Variants in ZNF469 observed in about 807,000 individuals in gnomAD.
ZNF469 encodes the protein zinc finger protein 469.
In ZNF469, 1 loss-of-function variant was observed where a neutral mutation model predicts 1.0. That is an observed-to-expected ratio of 1.00 (90% CI 0.35 to 4.73). The LOEUF (loss-of-function observed/expected upper bound fraction) is 4.73. ZNF469 is among the 30% of genes most tolerant of loss of function. The probability of loss-of-function intolerance (pLI) is 0.16; values close to 1 mark genes in which losing one functional copy is unlikely to be tolerated. For missense variants in ZNF469, 6,100 were observed against 5,356.3 expected, an observed-to-expected ratio of 1.14 and a Z score of -4.33; for synonymous variants, 2,703 against 2,363.4, an observed-to-expected ratio of 1.14 and a Z score of -4.17.
At chr16:88,168,908 C>A in the ZNF469 span, among the ~76,000 whole-genome samples, 1 of 151,110 alleles carries the variant, frequency 6.6e-6, no homozygotes, top group Non-Finnish European at 1.5e-5. The surrounding 1 kb of genome is among the most constrained non-coding windows in gnomAD (Gnocchi z 4.3). Flanking sequence ...CCAGCCTGGA[C>A]AACATAGTGA....
At chr16:88,414,948 C>T (rs992717381) in intron 1 of ZNF469, among the ~76,000 whole-genome samples, 37 of 152,316 alleles carry the variant, frequency 2.4e-4, no homozygotes, top group African/African-American at 6.5e-4. Context: ...GGCCACACAG[C>T]GAGTGGGAAC....
chr16:88,158,072 C>T, the ZNF469 span, among the ~76,000 whole-genome samples: 23 of 152,052 alleles, frequency 1.5e-4, no homozygotes, highest in African/African-American at 4.8e-4. Flanking sequence ...TTGGGGTGTC[C>T]GCCACCCCCA....
intron 1 of ZNF469, among the ~76,000 whole-genome samples, chr16:88,391,596 C>A (rs1182692666): frequency 6.6e-6 from 1 of 152,230 alleles, no homozygotes; most frequent in Admixed American, 6.5e-5. Context: ...GGATCGGGAG[C>A]CTCTGACCTG....
chr16:88,152,032 G>T, the ZNF469 span, among the ~76,000 whole-genome samples: 3 of 152,358 alleles, frequency 2.0e-5, no homozygotes, highest in East Asian at 5.8e-4. This position sits in a 1 kb window ranked among gnomAD's most constrained non-coding sequence, Gnocchi z 4.2. Context: ...GGAAACGCCT[G>T]CTTCTCAGCT....
chr16:88,317,403 G>A, the ZNF469 span, among the ~76,000 whole-genome samples: 2 of 152,206 alleles, frequency 1.3e-5, no homozygotes, highest in African/African-American at 4.8e-5. Flanking sequence ...TTTCACCTTT[G>A]CACGCTGGCC....
In ZNF469 at chr16:88,427,417, C is replaced by T. The variant is rs1905758594; in HGVS notation, c.-54C>T. Reference sequence around the variant, plus strand: ...GCTGAGGATGGCCGTCCAGCCCACTCCCCAGGGCCCCCCTCGGACAGCTGC... The same window carrying T: ...GCTGAGGATGGCCGTCCAGCCCACTTCCCAGGGCCCCCCTCGGACAGCTGC... On this transcript the variant is annotated 5_prime_UTR_variant, in exon 3 of 3. Transcript: ENST00000565624. 2.8e-6 allele frequency: 4 copies of T among 1,439,962 alleles called. No homozygotes were observed. Among genetic ancestry groups the T allele is most frequent in the African/African-American group, 1.4e-5 (1 of 69,836 alleles). 89.2% of individuals were successfully genotyped at this position (1,439,962 alleles called of 1,614,324 possible).
the ZNF469 span, among the ~76,000 whole-genome samples, chr16:88,260,452 TG>T: frequency 1.3e-5 from 2 of 152,224 alleles, no homozygotes; most frequent in Non-Finnish European, 2.9e-5. This position sits in a 1 kb window ranked among gnomAD's most constrained non-coding sequence, Gnocchi z 4.1. Context: ...AGCCTCGCTC[TG>T]GGGACTGTCT....
chr16:88,143,187 C>T, the ZNF469 span, among the ~76,000 whole-genome samples: 84 of 152,220 alleles, frequency 5.5e-4, 4 homozygotes, highest in Non-Finnish European at 1.0e-4. Flanking sequence ...GGAGCTTCTT[C>T]AGTCATGGCA....
At chr16:88,184,132 AACAG>A in the ZNF469 span, among the ~76,000 whole-genome samples, 4 of 151,868 alleles carry the variant, frequency 2.6e-5, no homozygotes, top group African/African-American at 9.7e-5. Context: ...CCCCCGTGTA[AACAG>A]ACGAGACGAC....
chr16:88,262,876 A>T, the ZNF469 span, among the ~76,000 whole-genome samples: 3 of 152,100 alleles, frequency 2.0e-5, no homozygotes, highest in African/African-American at 4.8e-5. This position sits in a 1 kb window ranked among gnomAD's most constrained non-coding sequence, Gnocchi z 4.3. Flanking sequence ...CTTCGGGCAG[A>T]TCTGCGTCCT....
chr16:88,392,406 A>T (rs145296206), intron 1 of ZNF469, among the ~76,000 whole-genome samples: 1 of 152,224 alleles, frequency 6.6e-6, no homozygotes, highest in Non-Finnish European at 1.5e-5. Flanking sequence ...CTCACGCCTG[A>T]CAGCCTTCTC....
the ZNF469 span, among the ~76,000 whole-genome samples, chr16:88,143,455 GC>G: frequency 1.3e-5 from 2 of 152,198 alleles, no homozygotes; most frequent in South Asian, 2.1e-4. Context: ...GGATACAGAT[GC>G]CCCCCCACTC....
upstream of ZNF469, among the ~76,000 whole-genome samples, chr16:88,382,844 G>A (rs1236349721): frequency 1.3e-5 from 2 of 152,008 alleles, no homozygotes; most frequent in East Asian, 1.9e-4. Context: ...GCCCCCCATC[G>A]CCGGGGTGGG....
At chr16:88,185,634 ACT>A in the ZNF469 span, among the ~76,000 whole-genome samples, 1 of 152,002 alleles carries the variant, frequency 6.6e-6, no homozygotes, top group Non-Finnish European at 1.5e-5. Context: ...ACATTTGCAC[ACT>A]CACACATGTG....
At chr16:88,229,179 T>C in the ZNF469 span, among the ~76,000 whole-genome samples, 1 of 152,204 alleles carries the variant, frequency 6.6e-6, no homozygotes, top group Non-Finnish European at 1.5e-5. Flanking sequence ...ATAAAATCGA[T>C]GTAAATATTT....
chr16:88,197,516 G>A, the ZNF469 span, among the ~76,000 whole-genome samples: 1 of 152,228 alleles, frequency 6.6e-6, no homozygotes, highest in East Asian at 1.9e-4. Flanking sequence ...AATTGGGATG[G>A]CACGATCAGT....
chr16:88,363,930 G>T, the ZNF469 span, among the ~76,000 whole-genome samples: 1 of 152,116 alleles, frequency 6.6e-6, no homozygotes, highest in African/African-American at 2.4e-5. Context: ...CAGAACTTGT[G>T]GTTTGCATCT....
At chr16:88,416,367 C>G (rs1905300880) in intron 1 of ZNF469, among the ~76,000 whole-genome samples, 1 of 152,140 alleles carries the variant, frequency 6.6e-6, no homozygotes, top group Non-Finnish European at 1.5e-5. Flanking sequence ...CCCGGGCGTC[C>G]TCATCTGTGA....
At chr16:88,215,615 C>G in the ZNF469 span, among the ~76,000 whole-genome samples, 1 of 151,944 alleles carries the variant, frequency 6.6e-6, no homozygotes, top group Non-Finnish European at 1.5e-5. Flanking sequence ...GTCTCGAACT[C>G]CTGACCTCAG....
Sources: allele counts gnomAD v4.1 joint callset (sites outside exome capture counted in the v4.1 genomes callset), GRCh38; gene constraint gnomAD v4.1.1; non-coding constraint Gnocchi (gnomAD v3.1); transcripts MANE v1.5; gene names NCBI Gene and HGNC (gene_info 2026-07-23, HGNC 2026-07-21).